DLG2: variants seen among roughly 807,000 people sequenced by gnomAD.
DLG2 encodes the protein discs large MAGUK scaffold protein 2, also known as disks large homolog 2.
Under a neutral mutation model 132.5 loss-of-function variants are expected in DLG2, and 45 were observed. The ratio of observed to expected loss-of-function variants is 0.34; its 90% confidence interval spans 0.27 to 0.44. DLG2 has a LOEUF of 0.44. DLG2 is among the 20% of genes least tolerant of loss of function. The pLI is 1.00. For synonymous variants in DLG2, 424 were observed against 419.6 expected (o/e 1.01, Z -0.13); for missense variants, 1,045 against 1,196.9 (o/e 0.87, Z 1.87).
chr11:83,635,273 A>T (rs962177820), intron 18 of DLG2, among the ~76,000 whole-genome samples: 1 of 152,168 alleles, frequency 6.6e-6, no homozygotes, highest in Admixed American at 6.6e-5. Flanking sequence ...AAGATACGAT[A>T]CTGTATGCAG....
At chr11:83,683,833 G>A (rs1402170496) in intron 18 of DLG2, among the ~76,000 whole-genome samples, 3 of 152,048 alleles carry the variant, frequency 2.0e-5, no homozygotes, top group African/African-American at 7.2e-5. Flanking sequence ...AGGGGAAAAA[G>A]CCCTAAAGAG....
At chr11:84,838,831 T>C (rs911102235) in intron 6 of DLG2, among the ~76,000 whole-genome samples, 3 of 152,148 alleles carry the variant, frequency 2.0e-5, no homozygotes, top group South Asian at 4.1e-4. Context: ...TAGGTATTGA[T>C]GGGACATATA....
At chr11:85,297,880 G>C (rs1020807784) in intron 3 of DLG2, among the ~76,000 whole-genome samples, 1 of 152,122 alleles carries the variant, frequency 6.6e-6, no homozygotes, top group African/African-American at 2.4e-5. Flanking sequence ...AGGCTAATAT[G>C]GGCTGTTGGA....
At chr11:84,928,982 G>GTGTGTA (rs1400906684) in intron 6 of DLG2, among the ~76,000 whole-genome samples, 138 of 49,084 alleles carry the variant, frequency 2.8e-3, no homozygotes, top group African/African-American at 5.3e-3. Flanking sequence ...GTGTGTGTGT[G>GTGTGTA]TATATATATA....
At chr11:85,026,513 A>T (rs1374898272) in intron 6 of DLG2, among the ~76,000 whole-genome samples, 2 of 152,190 alleles carry the variant, frequency 1.3e-5, no homozygotes, top group East Asian at 3.8e-4. Context: ...ATTGAAGGGC[A>T]ATCTATGAAA....
chr11:84,357,753 T>G (rs2098625460), intron 7 of DLG2, among the ~76,000 whole-genome samples: 1 of 152,060 alleles, frequency 6.6e-6, no homozygotes. Context: ...GTATTATTTT[T>G]CAAATTATTA....
intron 7 of DLG2, among the ~76,000 whole-genome samples, chr11:84,364,485 A>T (rs1425529156): frequency 6.6e-6 from 1 of 152,120 alleles, no homozygotes; most frequent in Admixed American, 6.6e-5. Context: ...CTCTTTTCCT[A>T]ACTGAATACC....
chr11:85,470,293 C>T (rs1163040507), intron 3 of DLG2, among the ~76,000 whole-genome samples: 1 of 150,512 alleles, frequency 6.6e-6, no homozygotes, highest in African/African-American at 2.4e-5. Context: ...CCATTGATAT[C>T]ACTAGGACAC....
At chr11:84,867,389 C>A (rs183364777) in intron 6 of DLG2, among the ~76,000 whole-genome samples, 1 of 152,124 alleles carries the variant, frequency 6.6e-6, no homozygotes, top group African/African-American at 2.4e-5. Context: ...CAGTTGTTTT[C>A]GGTTCCCACT....
At chr11:85,020,870 G>T (rs942679757) in intron 6 of DLG2, 3 of 762,532 alleles carry the variant, frequency 3.9e-6, no homozygotes, top group African/African-American at 1.7e-5. Flanking sequence ...CATCCAGTAG[G>T]TCCCCCTCCT....
At chr11:84,632,884 A>G (rs1208520349) in intron 6 of DLG2, among the ~76,000 whole-genome samples, 1 of 152,172 alleles carries the variant, frequency 6.6e-6, no homozygotes, top group Non-Finnish European at 1.5e-5. Context: ...GTCTTTGGGT[A>G]ATAAGGGTCT....
At chr11:85,615,766 A>T (rs1387346067) in intron 2 of DLG2, among the ~76,000 whole-genome samples, 1 of 151,876 alleles carries the variant, frequency 6.6e-6, no homozygotes, top group Non-Finnish European at 1.5e-5. Flanking sequence ...TGTTTTTTTT[A>T]AAAACACGCA....
At chr11:83,944,840 C>T (rs757618088) in intron 14 of DLG2, among the ~76,000 whole-genome samples, 5 of 152,182 alleles carry the variant, frequency 3.3e-5, no homozygotes, top group East Asian at 1.9e-4. Flanking sequence ...AGAATAACTC[C>T]GTGCAGCAGG....
At chr11:84,947,965 G>A (rs900960538) in intron 6 of DLG2, among the ~76,000 whole-genome samples, 1 of 152,212 alleles carries the variant, frequency 6.6e-6, no homozygotes, top group African/African-American at 2.4e-5. Flanking sequence ...ACAAAGAGAA[G>A]TGTACTGGGC....
At position 85,556,671 on chromosome 11, in the gene DLG2, G is replaced by T. The variant is rs138402819; in HGVS notation, c.40+41986C>A. 3.4e-4 allele frequency among the ~76,000 whole-genome samples: 51 copies of T among 151,942 alleles called. No homozygotes were observed. The East Asian group carries it at 8.7e-3, about 26-fold the overall frequency. On this transcript the variant is annotated intron_variant, in intron 3 of 27. Transcript: ENST00000376104. ...AAAAGCTTAAGGGAATCTAAGCACA[G>T]ATGTGGCAGCAGATGTAATGAATTG...
chr11:84,429,693 C>G (rs1212539299), intron 7 of DLG2, among the ~76,000 whole-genome samples: 3 of 152,088 alleles, frequency 2.0e-5, no homozygotes, highest in African/African-American at 7.2e-5. Context: ...AATACATGTG[C>G]AAATAAAACA....
At chr11:83,935,982 G>A (rs370956069) in intron 14 of DLG2, among the ~76,000 whole-genome samples, 14 of 152,242 alleles carry the variant, frequency 9.2e-5, no homozygotes, top group African/African-American at 2.9e-4. Flanking sequence ...AGTTCAGTCC[G>A]TGGCACTTAC....
intron 15 of DLG2, among the ~76,000 whole-genome samples, chr11:83,880,110 G>A (rs972443747): frequency 2.6e-5 from 4 of 152,156 alleles, no homozygotes; most frequent in Non-Finnish European, 5.9e-5. Flanking sequence ...TCAGGAAGCT[G>A]ACTGTGGATG....
intron 15 of DLG2, among the ~76,000 whole-genome samples, chr11:83,918,451 G>A (rs1235752651): frequency 6.6e-6 from 1 of 152,054 alleles, no homozygotes; most frequent in Admixed American, 6.5e-5. Flanking sequence ...TTAACTTCAG[G>A]GTTTTAAAAG....
Sources: gnomAD v4.1 joint callset for allele counts (sites outside exome capture counted in the v4.1 genomes callset) on GRCh38, gnomAD v4.1.1 for gene constraint, MANE v1.5 for transcripts, NCBI Gene and HGNC (gene_info 2026-07-23, HGNC 2026-07-21) for gene names.